The following SEMA6D variants were observed in gnomAD, a reference collection of about 807,000 sequenced individuals.
The protein encoded by SEMA6D is semaphorin-6D.
SEMA6D carries 35 observed loss-of-function variants against 106.6 expected under a neutral mutation model. That is an observed-to-expected ratio of 0.33 (90% confidence interval 0.25 to 0.44). SEMA6D has a LOEUF of 0.44. SEMA6D is among the 20% of genes least tolerant of loss of function. The probability of loss-of-function intolerance (pLI) is 1.00; values close to 1 mark genes in which losing one functional copy is unlikely to be tolerated. For missense variants in SEMA6D, 1,185 were observed against 1,345.9 expected, an observed-to-expected ratio of 0.88 and a Z score of 1.87; for synonymous variants, 499 against 487.7, an observed-to-expected ratio of 1.02 and a Z score of -0.31.
At chr15:47,502,901 G>T (rs147845886) in intron 3 of SEMA6D, among the ~76,000 whole-genome samples, 1 of 152,292 alleles carries the variant, frequency 6.6e-6, no homozygotes, top group African/African-American at 2.4e-5. Context: ...GAAAAACAGG[G>T]TAAACTGTGA....
At chr15:47,186,105 A>G (rs1402382107) in intron 1 of SEMA6D, among the ~76,000 whole-genome samples, 1 of 152,162 alleles carries the variant, frequency 6.6e-6, no homozygotes, top group South Asian at 2.1e-4. Context: ...ATATATATAC[A>G]CATATATAGT....
chr15:47,306,018 C>T (rs117223632), intron 1 of SEMA6D, among the ~76,000 whole-genome samples: 8,855 of 151,826 alleles, frequency 0.058, 736 homozygotes, highest in African/African-American at 0.18. Context: ...AGTCTTGCTC[C>T]GTTGCCAGGC....
intron 4 of SEMA6D, among the ~76,000 whole-genome samples, chr15:47,668,001 A>G (rs1052480338): frequency 6.6e-6 from 1 of 152,210 alleles, no homozygotes; most frequent in African/African-American, 2.4e-5. Flanking sequence ...GAATGAATAT[A>G]TACTATTATT....
At chr15:47,434,833 T>A (rs1461783874) in intron 2 of SEMA6D, among the ~76,000 whole-genome samples, 1 of 152,132 alleles carries the variant, frequency 6.6e-6, no homozygotes, top group Non-Finnish European at 1.5e-5. Flanking sequence ...TGTGTTTATA[T>A]CAGTGCGTTC....
chr15:47,264,083 C>T (rs998053415), intron 1 of SEMA6D, among the ~76,000 whole-genome samples: 4 of 151,854 alleles, frequency 2.6e-5, no homozygotes, highest in African/African-American at 4.8e-5. Flanking sequence ...TCCTTAACAA[C>T]CTAACACAGA....
intron 1 of SEMA6D, among the ~76,000 whole-genome samples, chr15:47,382,957 G>A (rs1254740778): frequency 6.6e-6 from 1 of 152,094 alleles, no homozygotes; most frequent in Non-Finnish European, 1.5e-5. Flanking sequence ...AATAGAGACA[G>A]GTTTCACCAT....
At chr15:47,610,086 G>A (rs765173032) in intron 4 of SEMA6D, among the ~76,000 whole-genome samples, 2 of 152,182 alleles carry the variant, frequency 1.3e-5, no homozygotes, top group Non-Finnish European at 2.9e-5. Flanking sequence ...GGTTAAAGAG[G>A]GGTCTTACTA....
chr15:47,756,710 A>T lies in SEMA6D; in HGVS notation c.-54-3035A>T, dbSNP rs78731231. ...GTATCATGATTTCACTGACCCCTGG[A>T]CTCCTGATATATCTTCTTATGTAAA... On this transcript the variant is annotated intron_variant, in intron 1 of 18. Coordinates refer to ENST00000536845, the MANE Select transcript of SEMA6D (RefSeq NM_001358351.3). Among the ~76,000 whole-genome samples the T allele has an allele frequency of 4.1e-3, 619 of 151,892 alleles. 3 individuals carry two copies. The highest frequency in any genetic ancestry group is 6.6e-3 in the Non-Finnish European group (447 of 67,980).
chr15:47,285,260 CT>C (rs887872249), intron 1 of SEMA6D, among the ~76,000 whole-genome samples: 1 of 152,064 alleles, frequency 6.6e-6, no homozygotes, highest in Non-Finnish European at 1.5e-5. Context: ...CTCTGTCTCT[CT>C]GTCTTTCTCT....
At chr15:47,513,162 G>A (rs1284679299) in intron 3 of SEMA6D, among the ~76,000 whole-genome samples, 1 of 151,752 alleles carries the variant, frequency 6.6e-6, no homozygotes, top group Non-Finnish European at 1.5e-5. Context: ...GGTGGATATT[G>A]GGGAATAACA....
chr15:47,445,493 C>T (rs545014371), intron 2 of SEMA6D, among the ~76,000 whole-genome samples: 1 of 152,098 alleles, frequency 6.6e-6, no homozygotes, highest in South Asian at 2.1e-4. Flanking sequence ...TTAACCTATC[C>T]CTGCTTGGGG....
chr15:47,518,628 G>A (rs117059678), intron 3 of SEMA6D, among the ~76,000 whole-genome samples: 451 of 152,270 alleles, frequency 3.0e-3, no homozygotes, highest in Non-Finnish European at 4.7e-3. Context: ...AAAAGGTATA[G>A]CAAAAGTACG....
chr15:47,603,620 C>A (rs2076711262), intron 4 of SEMA6D, among the ~76,000 whole-genome samples: 1 of 152,032 alleles, frequency 6.6e-6, no homozygotes. Flanking sequence ...TTGTGCGTGT[C>A]TAAAATGAAG....
Position 47,745,557 on chromosome 15 carries a change from A to T in SEMA6D, c.-54-14188A>T, listed in dbSNP as rs533635598. Among the ~76,000 whole-genome samples, 5 of 152,340 alleles carry T rather than the reference A, an allele frequency of 3.3e-5. No individual in the cohort carries two copies. The East Asian group carries it at 9.7e-4, about 29-fold the overall frequency. The stretch of plus-strand genomic sequence containing the variant: ...TGCATCAATTTAGTGAAAATTAGGA[A>T]CTGAGATTTTAAGAACTTGCATGGA... On this transcript the variant is annotated intron_variant, in intron 1 of 18. Coordinates refer to ENST00000536845, the MANE Select transcript of SEMA6D (RefSeq NM_001358351.3).
chr15:47,415,970 T>G (rs997745785), intron 2 of SEMA6D, among the ~76,000 whole-genome samples: 1 of 152,158 alleles, frequency 6.6e-6, no homozygotes, highest in Non-Finnish European at 1.5e-5. Context: ...ATGGATGAAG[T>G]TAAACATAGT....
At chr15:47,184,362 G>A (rs1018243498) in exon 1 of SEMA6D, 2 of 152,310 alleles carry the variant, frequency 1.3e-5, no homozygotes, top group African/African-American at 2.4e-5. Context: ...CTGGGCCCGC[G>A]GTGCTAGACA....
chr15:47,260,441 C>A (rs2034015882), intron 1 of SEMA6D, among the ~76,000 whole-genome samples: 4 of 152,130 alleles, frequency 2.6e-5, no homozygotes. Flanking sequence ...TTTAGGCCCT[C>A]TTGGTTTAGT....
chr15:47,750,901 G>T (rs144331766), intron 1 of SEMA6D, among the ~76,000 whole-genome samples: 1 of 152,092 alleles, frequency 6.6e-6, no homozygotes, highest in Non-Finnish European at 1.5e-5. Context: ...TAGCAGTACC[G>T]ATTCCTTAAA....
intron 1 of SEMA6D, among the ~76,000 whole-genome samples, chr15:47,189,363 A>G (rs1024461222): frequency 6.6e-6 from 1 of 152,232 alleles, no homozygotes; most frequent in Admixed American, 6.5e-5. Context: ...TTAACGTTTA[A>G]GCACCCACAG....
Sources: allele counts gnomAD v4.1 joint callset (sites outside exome capture counted in the v4.1 genomes callset), GRCh38; gene constraint gnomAD v4.1.1; transcripts MANE v1.5; gene names NCBI Gene and HGNC (gene_info 2026-07-23, HGNC 2026-07-21).